The following MGAT4C variants were observed in gnomAD, a reference collection of about 807,000 sequenced individuals.
MGAT4C encodes the protein alpha-1,3-mannosyl-glycoprotein 4-beta-N-acetylglucosaminyltransferase C.
Under a neutral mutation model 40.1 loss-of-function variants are expected in MGAT4C, and 19 were observed. The observed-to-expected ratio is 0.47, with a 90% CI of 0.33 to 0.70. The LOEUF (loss-of-function observed/expected upper bound fraction) is 0.70, where lower values mean the gene tolerates loss of function less well. Ranked by LOEUF, MGAT4C falls within the 30% of genes least tolerant of loss-of-function variation. MGAT4C has a pLI of 0.02. For missense variants in MGAT4C, 491 were observed against 563.2 expected, an observed-to-expected ratio of 0.87 and a Z score of 1.30; for synonymous variants, 181 against 187.1, an observed-to-expected ratio of 0.97 and a Z score of 0.27.
chr12:86,684,948 T>C (rs1034665165), intron 2 of MGAT4C, among the ~76,000 whole-genome samples: 4 of 152,180 alleles, frequency 2.6e-5, no homozygotes, highest in African/African-American at 9.7e-5. Context: ...CTTTGTCAGA[T>C]GGATAGATTG....
chr12:85,991,748 T>TA (rs1885967685), intron 2 of MGAT4C, among the ~76,000 whole-genome samples: 1 of 152,094 alleles, frequency 6.6e-6, no homozygotes, highest in African/African-American at 2.4e-5. Context: ...TCCCAGCTCT[T>TA]AGAGGGGCAG....
chr12:86,163,253 G>A (rs1036956447), intron 1 of MGAT4C, among the ~76,000 whole-genome samples: 1 of 151,718 alleles, frequency 6.6e-6, no homozygotes, highest in Non-Finnish European at 1.5e-5. Flanking sequence ...ACCAAGACTG[G>A]AGTGCAGTGA....
chr12:86,305,678 T>C (rs1953918775), intron 4 of MGAT4C, among the ~76,000 whole-genome samples: 1 of 150,596 alleles, frequency 6.6e-6, no homozygotes, highest in South Asian at 2.1e-4. Context: ...GTGCAGTACT[T>C]GCATATAATC....
intron 4 of MGAT4C, among the ~76,000 whole-genome samples, chr12:86,266,035 T>C (rs1368893228): frequency 1.3e-5 from 2 of 152,202 alleles, no homozygotes; most frequent in South Asian, 2.1e-4. Flanking sequence ...TAAGAGCTTT[T>C]TCTAGAATTT....
At chr12:86,286,267 CAT>C (rs1261693994) in intron 4 of MGAT4C, among the ~76,000 whole-genome samples, 1 of 152,076 alleles carries the variant, frequency 6.6e-6, no homozygotes, top group African/African-American at 2.4e-5. Context: ...GAGTGTGTCA[CAT>C]GTGATAAAAT....
intron 1 of MGAT4C, among the ~76,000 whole-genome samples, chr12:86,148,725 C>T (rs1883879797): frequency 6.6e-6 from 1 of 152,120 alleles, no homozygotes; most frequent in Admixed American, 6.5e-5. Context: ...AAACACTTTA[C>T]CATTATATGG....
intron 4 of MGAT4C, among the ~76,000 whole-genome samples, chr12:86,312,010 A>T (rs1487351311): frequency 6.6e-6 from 1 of 152,198 alleles, no homozygotes; most frequent in Non-Finnish European, 1.5e-5. Context: ...AATAGAAAAT[A>T]AAAAACACCA....
At chr12:86,803,905 C>T (rs974847225) in intron 1 of MGAT4C, among the ~76,000 whole-genome samples, 162 of 148,964 alleles carry the variant, frequency 1.1e-3, no homozygotes, top group African/African-American at 3.9e-3. Flanking sequence ...ACCCAGCCAT[C>T]CCATTACTGG....
intron 1 of MGAT4C, among the ~76,000 whole-genome samples, chr12:86,148,678 A>G (rs1467827710): frequency 6.6e-6 from 1 of 152,250 alleles, no homozygotes; most frequent in African/African-American, 2.4e-5. Context: ...TTTAGTCTAA[A>G]GTAGACAGCA....
intron 2 of MGAT4C, among the ~76,000 whole-genome samples, chr12:86,454,110 C>T (rs1353212445): frequency 1.3e-5 from 2 of 152,112 alleles, no homozygotes; most frequent in Admixed American, 1.3e-4. Flanking sequence ...TATTTTCCTA[C>T]AATTTTTTCC....
chr12:86,062,328 C>A (rs1894074000), intron 1 of MGAT4C, among the ~76,000 whole-genome samples: 1 of 152,070 alleles, frequency 6.6e-6, no homozygotes, highest in Non-Finnish European at 1.5e-5. Flanking sequence ...GGGATAGCGT[C>A]AAGATCAAAT....
At chr12:86,608,273 T>C (rs558993395) in intron 2 of MGAT4C, among the ~76,000 whole-genome samples, 38 of 152,076 alleles carry the variant, frequency 2.5e-4, no homozygotes, top group Non-Finnish European at 4.3e-4. Context: ...AAATATCTTA[T>C]ATCACAGGAA....
chr12:86,438,522 C>A (rs1411011388), intron 2 of MGAT4C, among the ~76,000 whole-genome samples: 1 of 151,844 alleles, frequency 6.6e-6, no homozygotes, highest in African/African-American at 2.4e-5. Flanking sequence ...ATGAAACAGC[C>A]TTCTAATAGA....
At chr12:86,397,297 A>G (rs1433619632) in intron 3 of MGAT4C, among the ~76,000 whole-genome samples, 1 of 152,122 alleles carries the variant, frequency 6.6e-6, no homozygotes, top group Non-Finnish European at 1.5e-5. Flanking sequence ...AGCAAACATC[A>G]TCATGCTCAT....
chr12:86,400,177 T>G (rs1197330444), intron 3 of MGAT4C, among the ~76,000 whole-genome samples: 1 of 152,184 alleles, frequency 6.6e-6, no homozygotes, highest in African/African-American at 2.4e-5. Context: ...ACCCTTTTGG[T>G]CACAGAAGTC....
intron 4 of MGAT4C, among the ~76,000 whole-genome samples, chr12:86,265,713 T>C (rs1447301474): frequency 6.6e-6 from 1 of 152,198 alleles, no homozygotes; most frequent in African/African-American, 2.4e-5. Context: ...TATTTTGATA[T>C]AGATTTCAAT....
chr12:86,783,790 A>G (rs1677153931), intron 1 of MGAT4C, among the ~76,000 whole-genome samples: 1 of 152,202 alleles, frequency 6.6e-6, no homozygotes, highest in African/African-American at 2.4e-5. Flanking sequence ...CTCAAACAAT[A>G]TATAATATAA....
intron 2 of MGAT4C, among the ~76,000 whole-genome samples, chr12:85,993,476 C>T (rs1313034894): frequency 1.3e-5 from 2 of 152,196 alleles, no homozygotes; most frequent in Non-Finnish European, 2.9e-5. Context: ...CTCTCAACTG[C>T]ACTGAGCTAT....
intron 2 of MGAT4C, among the ~76,000 whole-genome samples, chr12:86,611,017 T>C (rs1323999593): frequency 2.0e-5 from 3 of 151,622 alleles, no homozygotes; most frequent in Non-Finnish European, 4.4e-5. Flanking sequence ...CTCGCTGTGC[T>C]CAGTCATAGG....
Sources: gnomAD v4.1 joint callset for allele counts (sites outside exome capture counted in the v4.1 genomes callset) on GRCh38, gnomAD v4.1.1 for gene constraint, MANE v1.5 for transcripts, NCBI Gene and HGNC (gene_info 2026-07-23, HGNC 2026-07-21) for gene names.